The following PEAK1 variants were observed in gnomAD, a reference collection of about 807,000 sequenced individuals.
The protein encoded by PEAK1 is inactive tyrosine-protein kinase PEAK1.
In PEAK1, 54 loss-of-function variants were observed where a neutral mutation model predicts 124.7. That is an observed-to-expected ratio of 0.43 (90% CI 0.35 to 0.54). The LOEUF is 0.54. Ranked by LOEUF, PEAK1 falls within the 20% of genes least tolerant of loss-of-function variation. The pLI, the probability that PEAK1 is intolerant of heterozygous loss-of-function variation, is 0.01. For missense variants in PEAK1, 2,046 were observed against 2,134.5 expected, an observed-to-expected ratio of 0.96 and a Z score of 0.82; for synonymous variants, 719 against 760.0, an observed-to-expected ratio of 0.95 and a Z score of 0.89.
chr15:77,418,971 GTATT>G (rs2073118997), intron 1 of PEAK1: 1 of 984,994 alleles, frequency 1.0e-6, no homozygotes, highest in African/African-American at 1.7e-5. Flanking sequence ...AAGTCTCTAA[GTATT>G]TAATTCAACG....
intron 5 of PEAK1, among the ~76,000 whole-genome samples, chr15:77,266,176 G>A (rs571638434): frequency 3.0e-4 from 45 of 151,920 alleles, no homozygotes; most frequent in East Asian, 2.1e-3. Flanking sequence ...TGGGTGCAGC[G>A]CACCAGCATG....
At chr15:77,329,100 C>T (rs1043666536) in intron 2 of PEAK1, among the ~76,000 whole-genome samples, 6 of 152,048 alleles carry the variant, frequency 3.9e-5, no homozygotes, top group Non-Finnish European at 5.9e-5. Context: ...AATTAATGGG[C>T]TAAGATACAA....
intron 6 of PEAK1, among the ~76,000 whole-genome samples, chr15:77,251,764 A>G (rs896333630): frequency 6.6e-6 from 1 of 152,196 alleles, no homozygotes; most frequent in Non-Finnish European, 1.5e-5. Context: ...TACTGTTGCC[A>G]TGGCAACACC....
chr15:77,205,815 TATTA>T lies in PEAK1; in HGVS notation c.-114-23779_-114-23776del, dbSNP rs2058614870. On this transcript the variant is annotated intron_variant, in intron 6 of 9. Transcript: ENST00000682557. ...TGGGAAGTCACTGGAATAACTTTAT[TATTA>T]ATTATTTTTTATTTTTTTTATTATA... 2.0e-5 allele frequency among the ~76,000 whole-genome samples: 3 copies of T among 152,270 alleles called. No homozygotes were observed. The South Asian group carries it at 6.2e-4, about 32-fold the overall frequency.
chr15:77,159,580 C>T (rs2055449702), intron 7 of PEAK1, among the ~76,000 whole-genome samples: 1 of 151,898 alleles, frequency 6.6e-6, no homozygotes, highest in African/African-American at 2.4e-5. Context: ...GCTGGGCCCA[C>T]TGAAAAGTAT....
At chr15:77,267,318 ATG>A (rs2152949999) in intron 5 of PEAK1, among the ~76,000 whole-genome samples, 1 of 152,134 alleles carries the variant, frequency 6.6e-6, no homozygotes, top group Non-Finnish European at 1.5e-5. Context: ...TGAGAGGTCT[ATG>A]GTCCCAACCT....
intron 5 of PEAK1, among the ~76,000 whole-genome samples, chr15:77,257,483 A>G (rs1381322411): frequency 1.2e-4 from 18 of 150,486 alleles, no homozygotes; most frequent in Non-Finnish European, 1.9e-4. Flanking sequence ...GCCAGTGATG[A>G]TGAGCATTTT....
chr15:77,393,167 T>G (rs922198557), intron 1 of PEAK1, among the ~76,000 whole-genome samples: 2 of 151,940 alleles, frequency 1.3e-5, no homozygotes, highest in African/African-American at 4.8e-5. Context: ...TGCTCTGGGG[T>G]TCTAAATAAA....
chr15:77,173,096 C>G lies in PEAK1; in HGVS notation c.3137+5694G>C, dbSNP rs181118450. Among the ~76,000 whole-genome samples the G allele has an allele frequency of 7.9e-5, 12 of 152,232 alleles. No homozygotes were observed. In the East Asian group the frequency reaches 2.3e-3, roughly 29 times the overall value. On this transcript the variant is annotated intron_variant, in intron 7 of 9. Coordinates refer to ENST00000682557, the MANE Select transcript of PEAK1 (RefSeq NM_001385026.1). ...GAAACTCACTTAAAAACAACAACAA[C>G]AACAACAAACTCTCCTAGTACAATA...
intron 8 of PEAK1, among the ~76,000 whole-genome samples, chr15:77,147,331 A>G (rs2054241749): frequency 2.0e-5 from 3 of 152,212 alleles, no homozygotes; most frequent in Admixed American, 2.0e-4. Context: ...TGTTTTAGAT[A>G]ATGCTCTAGG....
At position 77,113,803 on chromosome 15, in the gene PEAK1, A is replaced by G; in HGVS notation, c.*353T>C. On this transcript the variant is annotated 3_prime_UTR_variant, in exon 10 of 10. Coordinates refer to ENST00000682557, the MANE Select transcript of PEAK1 (RefSeq NM_001385026.1). ...AAAAAGATAGGTGATATCCAGAATT[A>G]TGGAGGAAATGGACACAGCTCACTG... 1 of 257,772 alleles carries G rather than the reference A, an allele frequency of 3.9e-6. No homozygotes were observed. The highest frequency in any genetic ancestry group is 7.5e-6 in the Non-Finnish European group (1 of 134,222). 16.0% of individuals were successfully genotyped at this position (257,772 alleles called of 1,614,324 possible).
chr15:77,400,832 G>C (rs1331253190), intron 1 of PEAK1, among the ~76,000 whole-genome samples: 1 of 152,062 alleles, frequency 6.6e-6, no homozygotes, highest in Non-Finnish European at 1.5e-5. Context: ...GAAAAATATT[G>C]AAGGAAGATT....
rs191479151 is a variant in PEAK1 at position 77,318,421 on chromosome 15, C to T, written c.-602-31917G>A. On this transcript the variant is annotated intron_variant, in intron 2 of 9. Coordinates refer to ENST00000682557, the MANE Select transcript of PEAK1 (RefSeq NM_001385026.1). ...CAAAAACCTCATAATTAACCCTTGC[C>T]AGAAACCCCTTATATTAGGGTTTCA... 3.7e-3 allele frequency among the ~76,000 whole-genome samples: 570 copies of T among 152,166 alleles called. 6 individuals carry two copies. The highest frequency in any genetic ancestry group is 0.013 in the African/African-American group (521 of 41,522).
chr15:77,223,121 A>G (rs956383876), intron 6 of PEAK1, among the ~76,000 whole-genome samples: 19 of 152,182 alleles, frequency 1.2e-4, no homozygotes, highest in Middle Eastern at 3.4e-3. Context: ...AAACTGGTCT[A>G]AAGAGCTAGA....
chr15:77,256,536 C>T (rs2061144506), intron 5 of PEAK1, among the ~76,000 whole-genome samples: 1 of 151,788 alleles, frequency 6.6e-6, no homozygotes, highest in African/African-American at 2.4e-5. Flanking sequence ...ATACAACCTG[C>T]CACCTGCTTA....
chr15:77,370,694 C>T, intron 1 of PEAK1: 1 of 984,840 alleles, frequency 1.0e-6, no homozygotes, highest in Non-Finnish European at 1.2e-6. Flanking sequence ...TGGAGACAGT[C>T]TATTTCTGCA....
At chr15:77,124,573 C>T (rs1039089426) in intron 9 of PEAK1, among the ~76,000 whole-genome samples, 2 of 152,238 alleles carry the variant, frequency 1.3e-5, no homozygotes, top group Non-Finnish European at 2.9e-5. Flanking sequence ...AGCTCTTTAG[C>T]CATCTGCCCC....
At chr15:77,107,166 C>A (rs898621805), downstream of PEAK1, 5 of 152,444 alleles carry the variant, frequency 3.3e-5, no homozygotes, top group African/African-American at 1.2e-4. Context: ...TCCTTTCCCC[C>A]AGAAGCCAGT....
chr15:77,158,882 A>G (rs985390821), intron 7 of PEAK1, among the ~76,000 whole-genome samples, 186 bp from the exon 8 acceptor site: 1 of 152,220 alleles, frequency 6.6e-6, no homozygotes, highest in African/African-American at 2.4e-5. Flanking sequence ...ACACATATTG[A>G]GAACCCAATT....
Sources: gnomAD v4.1 joint callset for allele counts (sites outside exome capture counted in the v4.1 genomes callset) on GRCh38, gnomAD v4.1.1 for gene constraint, MANE v1.5 for transcripts, NCBI Gene and HGNC (gene_info 2026-07-23, HGNC 2026-07-21) for gene names.